The following NELL1 variants were observed in gnomAD, a reference collection of about 807,000 sequenced individuals.
The protein encoded by NELL1 is neural EGFL like 1, also known as protein kinase C-binding protein NELL1.
NELL1 carries 76 observed loss-of-function variants against 107.4 expected under a neutral mutation model. That is an observed-to-expected ratio of 0.71 (90% CI 0.59 to 0.86). The LOEUF (loss-of-function observed/expected upper bound fraction) is 0.86, where lower values mean the gene tolerates loss of function less well. Ranked by LOEUF, NELL1 falls within the 40% of genes least tolerant of loss-of-function variation. The pLI, the probability that NELL1 is intolerant of heterozygous loss-of-function variation, is 0.00. For missense variants in NELL1, 1,024 were observed against 1,005.5 expected (o/e 1.02, Z -0.25); for synonymous variants, 353 against 341.2 (o/e 1.03, Z -0.38).
chr11:20,879,098 G>C (rs1395867565), intron 4 of NELL1, among the ~76,000 whole-genome samples: 1 of 152,166 alleles, frequency 6.6e-6, no homozygotes, highest in Non-Finnish European at 1.5e-5. Context: ...CAGTCAGGAA[G>C]TACACACACA....
intron 2 of NELL1, among the ~76,000 whole-genome samples, chr11:20,705,222 A>G (rs1277353900): frequency 2.0e-5 from 3 of 152,206 alleles, no homozygotes; most frequent in African/African-American, 7.2e-5. Flanking sequence ...CTAAGCCAAA[A>G]GAACAAAGCT....
At chr11:20,874,098 C>T (rs1350654038) in intron 4 of NELL1, among the ~76,000 whole-genome samples, 2 of 151,866 alleles carry the variant, frequency 1.3e-5, no homozygotes, top group Non-Finnish European at 2.9e-5. Flanking sequence ...ACAGAGTTTC[C>T]CTCTTGTTGC....
chr11:20,797,499 G>A (rs1280110810), intron 3 of NELL1, among the ~76,000 whole-genome samples: 1 of 147,198 alleles, frequency 6.8e-6, no homozygotes, highest in Non-Finnish European at 1.5e-5. Flanking sequence ...CTGGGAGGTG[G>A]AGCTTGCAGT....
intron 16 of NELL1, among the ~76,000 whole-genome samples, chr11:21,555,747 C>T (rs1856688840): frequency 6.6e-6 from 1 of 151,896 alleles, no homozygotes; most frequent in African/African-American, 2.4e-5. Context: ...TAACTTATCT[C>T]TTCCTTTAGT....
chr11:21,387,105 A>G (rs757504724), intron 15 of NELL1, among the ~76,000 whole-genome samples: 8 of 151,828 alleles, frequency 5.3e-5, no homozygotes, highest in African/African-American at 9.7e-5. Context: ...GGGCGTTTGC[A>G]CCTAGTGTTC....
intron 13 of NELL1, among the ~76,000 whole-genome samples, chr11:21,197,636 G>A (rs1490760543): frequency 6.6e-6 from 1 of 152,078 alleles, no homozygotes; most frequent in East Asian, 1.9e-4. Context: ...CCCCTTCTTG[G>A]GATTTATTTT....
intron 14 of NELL1, among the ~76,000 whole-genome samples, chr11:21,367,614 A>T (rs181388223): frequency 2.0e-5 from 3 of 152,104 alleles, no homozygotes; most frequent in Admixed American, 6.6e-5. Context: ...ATAAATAACA[A>T]CAATCACATC....
intron 2 of NELL1, among the ~76,000 whole-genome samples, chr11:20,701,114 C>G (rs1361790996): frequency 6.6e-6 from 1 of 152,168 alleles, no homozygotes; most frequent in Admixed American, 6.5e-5. Flanking sequence ...GACTAGTTTA[C>G]AGCCCCACCA....
intron 3 of NELL1, among the ~76,000 whole-genome samples, chr11:20,840,741 C>G (rs1262197213): frequency 2.0e-5 from 3 of 152,226 alleles, no homozygotes; most frequent in African/African-American, 7.2e-5. Flanking sequence ...AAAGTACTTA[C>G]AAGTTCATCC....
intron 14 of NELL1, among the ~76,000 whole-genome samples, chr11:21,236,462 A>C (rs1346686077): frequency 1.3e-5 from 2 of 152,214 alleles, no homozygotes; most frequent in Non-Finnish European, 2.9e-5. Context: ...ATTGTGAAGC[A>C]AATTTTTATG....
chr11:21,493,466 A>C (rs1854886380), intron 15 of NELL1, among the ~76,000 whole-genome samples: 1 of 152,038 alleles, frequency 6.6e-6, no homozygotes, highest in South Asian at 2.1e-4. Flanking sequence ...TCATTATGTT[A>C]AGTGAGACAA....
chr11:20,841,287 G>A (rs376164743), intron 3 of NELL1, among the ~76,000 whole-genome samples: 1 of 150,078 alleles, frequency 6.7e-6, no homozygotes, highest in Non-Finnish European at 1.5e-5. Context: ...AACTGTTTTG[G>A]CCTGGACATA....
chr11:20,843,420 A>G (rs1848651743), intron 3 of NELL1, among the ~76,000 whole-genome samples: 1 of 152,040 alleles, frequency 6.6e-6, no homozygotes. Flanking sequence ...TTTCTAAGAA[A>G]TGTTTTACCT....
At chr11:20,915,420 G>A (rs932992544) in intron 5 of NELL1, among the ~76,000 whole-genome samples, 1 of 151,646 alleles carries the variant, frequency 6.6e-6, no homozygotes, top group African/African-American at 2.4e-5. Context: ...ACAAGAATCT[G>A]AATGTTAAGC....
chr11:21,302,143 G>A (rs375334086), intron 14 of NELL1, among the ~76,000 whole-genome samples: 33 of 152,120 alleles, frequency 2.2e-4, no homozygotes, highest in Middle Eastern at 3.4e-3. Context: ...GATTTCTCAT[G>A]ATTCGTGGGT....
At chr11:21,336,345 T>C (rs970487522) in intron 14 of NELL1, among the ~76,000 whole-genome samples, 13 of 151,992 alleles carry the variant, frequency 8.6e-5, no homozygotes, top group African/African-American at 2.9e-4. Context: ...TTGTACCCAT[T>C]GTTAACAGTG....
chr11:21,197,418 CA>C (rs58951508), intron 13 of NELL1, among the ~76,000 whole-genome samples: 2,516 of 142,552 alleles, frequency 0.018, 70 homozygotes, highest in African/African-American at 0.06. Context: ...AACAAACAAC[CA>C]AAAAAAAAAA....
intron 5 of NELL1, among the ~76,000 whole-genome samples, chr11:20,903,856 C>T (rs79448654): frequency 0.049 from 7,401 of 152,058 alleles, 266 homozygotes; most frequent in Non-Finnish European, 0.077. Flanking sequence ...TTATAGCAAC[C>T]GAGTGAATGC....
intron 4 of NELL1, among the ~76,000 whole-genome samples, chr11:20,863,634 G>A (rs1028876603): frequency 4.6e-5 from 7 of 151,258 alleles, no homozygotes; most frequent in Admixed American, 3.9e-4. Flanking sequence ...CTGGGCAGCC[G>A]GGCAGAGGTG....
Sources: allele counts gnomAD v4.1 joint callset (sites outside exome capture counted in the v4.1 genomes callset), GRCh38; gene constraint gnomAD v4.1.1; transcripts MANE v1.5; gene names NCBI Gene and HGNC (gene_info 2026-07-23, HGNC 2026-07-21).